RUNX2: variants seen among roughly 807,000 people sequenced by gnomAD.
RUNX2 encodes the protein runt-related transcription factor 2.
In RUNX2, 10 loss-of-function variants were observed where a neutral mutation model predicts 51.7. The observed-to-expected ratio is 0.19, with a 90% CI of 0.12 to 0.33. RUNX2 has a LOEUF of 0.33. Among genes scored for constraint, RUNX2 ranks in the 10% least tolerant of loss-of-function variants. The pLI is 1.00. For synonymous variants in RUNX2, 276 were observed against 273.6 expected (o/e 1.01, Z -0.09); for missense variants, 562 against 691.3 (o/e 0.81, Z 2.10).
intron 5 of RUNX2, among the ~76,000 whole-genome samples, chr6:45,475,328 A>T (rs1375179112): frequency 6.6e-6 from 1 of 152,124 alleles, no homozygotes; most frequent in Non-Finnish European, 1.5e-5. Context: ...GTTTGAGCTG[A>T]ATCTTGAAGA....
chr6:45,360,114 T>C (rs1472780924), intron 2 of RUNX2, among the ~76,000 whole-genome samples: 1 of 152,224 alleles, frequency 6.6e-6, no homozygotes, highest in African/African-American at 2.4e-5. Context: ...CTGAAATTAG[T>C]TTAGCATAAG....
intron 4 of RUNX2, among the ~76,000 whole-genome samples, chr6:45,432,697 T>A (rs1798575904): frequency 6.6e-6 from 1 of 152,186 alleles, no homozygotes; most frequent in South Asian, 2.1e-4. Context: ...TAGAAAATTA[T>A]CCCTTTTAGG....
At chr6:45,426,248 C>T (rs1459523716) in intron 3 of RUNX2, among the ~76,000 whole-genome samples, 2 of 152,052 alleles carry the variant, frequency 1.3e-5, no homozygotes, top group East Asian at 3.8e-4. Context: ...TTCGGTCCCC[C>T]CAGGTGTCAA....
At chr6:45,381,408 C>G (rs928036202) in intron 2 of RUNX2, among the ~76,000 whole-genome samples, 48 of 152,066 alleles carry the variant, frequency 3.2e-4, no homozygotes, top group African/African-American at 1.1e-3. Flanking sequence ...ACAAAAATTA[C>G]AAAAGTATTC....
At chr6:45,474,164 T>C (rs1172142653) in intron 5 of RUNX2, among the ~76,000 whole-genome samples, 1 of 152,092 alleles carries the variant, frequency 6.6e-6, no homozygotes, top group African/African-American at 2.4e-5. Context: ...TTTTCTTTTT[T>C]TTTTTTTCCC....
chr6:45,549,671 A>T lies in RUNX2; in HGVS notation c.*2366A>T. ...TACACATTTCAATTTTAATTAATTG[A>T]CATAAAAATGCTACCGCCAGTGCCA... is the stretch of plus-strand genomic sequence containing the variant. On this transcript the variant is annotated 3_prime_UTR_variant, in exon 9 of 9. Transcript: ENST00000647337. 1 of 299,706 alleles carries T rather than the reference A, an allele frequency of 3.3e-6. No homozygotes were observed. The highest frequency in any genetic ancestry group is 6.1e-6 in the Non-Finnish European group (1 of 164,252). 18.6% of individuals were successfully genotyped at this position (299,706 alleles called of 1,614,324 possible).
chr6:45,433,567 C>T (rs895319469), intron 4 of RUNX2, among the ~76,000 whole-genome samples: 4 of 151,856 alleles, frequency 2.6e-5, no homozygotes, highest in African/African-American at 9.7e-5. Flanking sequence ...ATTACAGATT[C>T]AAACTAGTGT....
chr6:45,403,204 C>A (rs1426525574), intron 2 of RUNX2, among the ~76,000 whole-genome samples: 2 of 145,644 alleles, frequency 1.4e-5, no homozygotes, highest in African/African-American at 5.0e-5. Context: ...AAGGTCTCTT[C>A]TTCCATACTT....
intron 5 of RUNX2, among the ~76,000 whole-genome samples, chr6:45,466,475 C>T (rs9885645): frequency 0.28 from 42,443 of 152,022 alleles, 6,407 homozygotes; most frequent in Non-Finnish European, 0.34. Flanking sequence ...AGAGTCAGGA[C>T]TGGAATCCAG....
chr6:45,399,712 A>G (rs1057281779), intron 2 of RUNX2, among the ~76,000 whole-genome samples: 5 of 147,832 alleles, frequency 3.4e-5, no homozygotes, highest in Non-Finnish European at 7.5e-5. Flanking sequence ...AAGAAAGAAG[A>G]GAGGGAGGTA....
chr6:45,408,103 A>T (rs756250125), intron 2 of RUNX2, among the ~76,000 whole-genome samples: 16 of 151,358 alleles, frequency 1.1e-4, no homozygotes, highest in Non-Finnish European at 1.9e-4. Context: ...ATTTGAAAGA[A>T]GTGGTGCTTT....
intron 2 of RUNX2, among the ~76,000 whole-genome samples, chr6:45,355,398 T>C (rs1792963534): frequency 6.6e-6 from 1 of 151,096 alleles, no homozygotes; most frequent in Admixed American, 6.7e-5. Context: ...CTTCATTTAT[T>C]ATAGAATAAA....
intron 2 of RUNX2, among the ~76,000 whole-genome samples, chr6:45,378,965 A>G (rs1797145382): frequency 6.6e-6 from 1 of 152,230 alleles, no homozygotes; most frequent in African/African-American, 2.4e-5. Context: ...TAGGGATTCA[A>G]GTATTAACCC....
intron 6 of RUNX2, among the ~76,000 whole-genome samples, chr6:45,492,564 T>C (rs1276848655): frequency 6.6e-6 from 1 of 152,190 alleles, no homozygotes; most frequent in Non-Finnish European, 1.5e-5. Flanking sequence ...AAGCCTTGAT[T>C]GGTAGTTATA....
chr6:45,344,530 G>C (rs1348250615), intron 2 of RUNX2, among the ~76,000 whole-genome samples: 1 of 151,574 alleles, frequency 6.6e-6, no homozygotes, highest in African/African-American at 2.4e-5. Context: ...TGAACGTCTA[G>C]AACAGTAACA....
intron 4 of RUNX2, among the ~76,000 whole-genome samples, chr6:45,433,442 G>A (rs974925416): frequency 1.3e-5 from 2 of 151,564 alleles, no homozygotes; most frequent in Admixed American, 6.6e-5. Flanking sequence ...TGAACATGAT[G>A]ATTTACCTGT....
At chr6:45,510,322 T>C (rs997454038) in intron 6 of RUNX2, among the ~76,000 whole-genome samples, 11 of 152,352 alleles carry the variant, frequency 7.2e-5, no homozygotes, top group African/African-American at 2.6e-4. Context: ...CAGGTAAATG[T>C]TCTTTAAAAT....
chr6:45,457,865 A>G (rs1371159812), intron 5 of RUNX2, among the ~76,000 whole-genome samples: 2 of 152,174 alleles, frequency 1.3e-5, no homozygotes, highest in Non-Finnish European at 2.9e-5. Flanking sequence ...TGTGGTTAAA[A>G]GCTTTGTGAA....
At chr6:45,504,471 C>T (rs568516121) in intron 6 of RUNX2, among the ~76,000 whole-genome samples, 2 of 152,204 alleles carry the variant, frequency 1.3e-5, no homozygotes, top group African/African-American at 4.8e-5. Flanking sequence ...GTCTAGGGCT[C>T]TTCCTATGCT....
Sources: allele counts gnomAD v4.1 joint callset (sites outside exome capture counted in the v4.1 genomes callset), GRCh38; gene constraint gnomAD v4.1.1; transcripts MANE v1.5; gene names NCBI Gene and HGNC (gene_info 2026-07-23, HGNC 2026-07-21).